The following UBE2O variants were observed in gnomAD, a reference collection of about 807,000 sequenced individuals.
UBE2O encodes ubiquitin conjugating enzyme E2 O, also known as (E3-independent) E2 ubiquitin-conjugating enzyme.
UBE2O carries 15 observed loss-of-function variants against 125.8 expected under a neutral mutation model. The ratio of observed to expected loss-of-function variants is 0.12; its 90% CI spans 0.08 to 0.18. The LOEUF (loss-of-function observed/expected upper bound fraction) is 0.18, where lower values mean the gene tolerates loss of function less well. UBE2O is among the 10% of genes least tolerant of loss of function. The pLI is 1.00. For synonymous variants in UBE2O, 708 were observed against 703.2 expected, an observed-to-expected ratio of 1.01 and a Z score of -0.11; for missense variants, 1,280 against 1,723.6, an observed-to-expected ratio of 0.74 and a Z score of 4.56.
intron 1 of UBE2O, among the ~76,000 whole-genome samples, chr17:76,435,223 C>T (rs1186888034): frequency 6.6e-6 from 1 of 152,104 alleles, no homozygotes; most frequent in African/African-American, 2.4e-5. Context: ...CAGAAAGCTA[C>T]TATTTATGTA....
Position 76,422,758 on chromosome 17 carries a change from CTTTA to C in UBE2O, c.418-17190_418-17187del, listed in dbSNP as rs373569493. 2.6e-3 allele frequency among the ~76,000 whole-genome samples: 403 copies of C among 152,332 alleles called. 1 individual carries two copies. The highest frequency in any genetic ancestry group is 3.7e-3 in the South Asian group (18 of 4,830). On this transcript the variant is annotated intron_variant, in intron 1 of 17. Coordinates refer to ENST00000319380, the MANE Select transcript of UBE2O (RefSeq NM_022066.4). ...CTCCTCCTCATTCTCTATCCACCTGCTTTATTTTTCTTCACAGCACTTACTGTTC... is the reference window on the plus strand; with the variant it reads ...CTCCTCCTCATTCTCTATCCACCTGCTTTTTCTTCACAGCACTTACTGTTC...
At chr17:76,419,123 AT>A (rs10647924) in intron 1 of UBE2O, among the ~76,000 whole-genome samples, 5 of 145,732 alleles carry the variant, frequency 3.4e-5, no homozygotes, top group Non-Finnish European at 3.0e-5. Context: ...ATCTCTACAG[AT>A]TTTTTTTTTT....
In UBE2O at chr17:76,401,158, C is replaced by A. The variant is rs376889823; in HGVS notation, c.751-4G>T. 2 of 1,612,884 alleles carry A rather than the reference C, an allele frequency of 1.2e-6. No homozygotes were observed. The highest frequency in any genetic ancestry group is 3.3e-5 in the Admixed American group (2 of 60,026). ...AGGAATCATCGAAGAAGAGACCCTGCGGGATGTGGGGCCAAAGGAAAGTCC... is the reference window on the plus strand; with the variant it reads ...AGGAATCATCGAAGAAGAGACCCTGAGGGATGTGGGGCCAAAGGAAAGTCC... On this transcript the variant is annotated splice_region_variant and splice_polypyrimidine_tract_variant and intron_variant, in intron 5 of 17. Coordinates refer to ENST00000319380, the MANE Select transcript of UBE2O (RefSeq NM_022066.4).
intron 5 of UBE2O, 175 bp downstream of exon 5, chr17:76,401,889 A>T: frequency 2.3e-6 from 1 of 440,040 alleles, no homozygotes. Flanking sequence ...AAAAAAAAAA[A>T]AAAAAAGTTC....
rs116330430 is a variant in UBE2O, at chr17:76,396,102, C to A, written c.2809+26G>T. ...GGAGCCCCGAGAAGGCGGGGGAAGG[C>A]GAAGACCAGGCAAGGGCTGACTCAC... On this transcript the variant is annotated intron_variant, in intron 14 of 17. Transcript: ENST00000319380. This position sits in a 1 kb window ranked among gnomAD's most constrained non-coding sequence, Gnocchi z 6.7. The A allele has an allele frequency of 1.8e-5, 29 of 1,606,868 alleles. No individual in the cohort carries two copies. The highest frequency in any genetic ancestry group is 2.4e-5 in the Non-Finnish European group (28 of 1,176,534).
Position 76,396,032 on chromosome 17 carries a change from GCGAGGGGA to G in UBE2O, c.2809+88_2809+95del, listed in dbSNP as rs755854532. The G allele has an allele frequency of 2.0e-6, 3 of 1,491,150 alleles. No individual in the cohort carries two copies. Among genetic ancestry groups the G allele is most frequent in the Non-Finnish European group, 2.7e-6 (3 of 1,094,096 alleles). The allele number at this position is 1,491,150 out of a possible 1,614,324, so 92.4% of individuals were successfully genotyped here. ...GCCCTGGGGCAGTAGCTGGGGTCTG[GCGAGGGGA>G]CTAACCACCCTGCACCCAGATCTGG... is the stretch of plus-strand genomic sequence containing the variant. On this transcript the variant is annotated intron_variant, in intron 14 of 17. Coordinates refer to ENST00000319380, the MANE Select transcript of UBE2O (RefSeq NM_022066.4). This position sits in a 1 kb window ranked among gnomAD's most constrained non-coding sequence, Gnocchi z 6.7.
At chr17:76,437,253 A>T (rs2073010963) in intron 1 of UBE2O, among the ~76,000 whole-genome samples, 1 of 151,988 alleles carries the variant, frequency 6.6e-6, no homozygotes, top group East Asian at 1.9e-4. Flanking sequence ...GATCGAGACC[A>T]TCCTGGCTAA....
At chr17:76,433,113 C>T (rs1028420511) in intron 1 of UBE2O, among the ~76,000 whole-genome samples, 4 of 152,092 alleles carry the variant, frequency 2.6e-5, no homozygotes, top group Non-Finnish European at 4.4e-5. Context: ...TGAAAATATA[C>T]ATTCACACAA....
At chr17:76,424,776 C>T (rs112198174) in intron 1 of UBE2O, among the ~76,000 whole-genome samples, 59 of 151,596 alleles carry the variant, frequency 3.9e-4, no homozygotes, top group African/African-American at 1.4e-3. Context: ...TATGATCGAG[C>T]CACTGCACTC....
chr17:76,423,251 C>T (rs12449930), intron 1 of UBE2O, among the ~76,000 whole-genome samples: 51,196 of 152,010 alleles, frequency 0.34, 10,529 homozygotes, highest in Non-Finnish European at 0.46. Context: ...CGGTGGTACG[C>T]ACCTGGAGCC....
At chr17:76,416,873 T>C (rs1181687480) in intron 1 of UBE2O, among the ~76,000 whole-genome samples, 1 of 152,160 alleles carries the variant, frequency 6.6e-6, no homozygotes, top group Non-Finnish European at 1.5e-5. Context: ...AGCACCATCA[T>C]GGAGACTGGG....
chr17:76,402,227 C>A lies in UBE2O; in HGVS notation c.687-100G>T. Reference sequence around the variant, plus strand: ...CAATGCGCCCACATGCCCTAAATAGCACAATTCGTCTTCTACCATCAACTC... The same window carrying A: ...CAATGCGCCCACATGCCCTAAATAGAACAATTCGTCTTCTACCATCAACTC... On this transcript the variant is annotated intron_variant, in intron 4 of 17. Transcript: ENST00000319380. This position sits in a 1 kb window ranked among gnomAD's most constrained non-coding sequence, Gnocchi z 5.4. The A allele has an allele frequency of 1.9e-6, 2 of 1,050,894 alleles. No homozygotes were observed. Among genetic ancestry groups the A allele is most frequent in the Non-Finnish European group, 2.8e-6 (2 of 705,632 alleles). 65.1% of individuals were successfully genotyped at this position (1,050,894 alleles called of 1,614,324 possible).
At chr17:76,428,200 G>C (rs2072842520) in intron 1 of UBE2O, among the ~76,000 whole-genome samples, 1 of 152,148 alleles carries the variant, frequency 6.6e-6, no homozygotes, top group Admixed American at 6.5e-5. Context: ...CCAGTCTTTT[G>C]TATGTGACCC....
chr17:76,452,274 T>A lies in UBE2O; in HGVS notation c.417+451A>T, dbSNP rs2073261235. On this transcript the variant is annotated intron_variant, in intron 1 of 17. Coordinates refer to ENST00000319380, the MANE Select transcript of UBE2O (RefSeq NM_022066.4). The surrounding 1 kb of genome is among the most constrained non-coding windows in gnomAD (Gnocchi z 4.4). ...TTCGGCTGGGATTTTCACCTCTATC[T>A]TTGTTTTGGAATGCCCACAACCCCT... Among the ~76,000 whole-genome samples, 1 of 152,188 alleles carries A rather than the reference T, an allele frequency of 6.6e-6. No individual in the cohort carries two copies. Among genetic ancestry groups the A allele is most frequent in the South Asian group, 2.1e-4 (1 of 4,822 alleles).
At chr17:76,427,436 T>C (rs903613239) in intron 1 of UBE2O, among the ~76,000 whole-genome samples, 27 of 152,260 alleles carry the variant, frequency 1.8e-4, no homozygotes, top group African/African-American at 6.0e-4. Context: ...TAGACATTTC[T>C]ATTATAATCT....
chr17:76,425,615 T>C (rs1219929676), intron 1 of UBE2O, among the ~76,000 whole-genome samples: 1 of 152,206 alleles, frequency 6.6e-6, no homozygotes, highest in Non-Finnish European at 1.5e-5. Flanking sequence ...CTGTACTCCA[T>C]CCTTTCAACA....
chr17:76,433,523 C>T (rs1161004311), intron 1 of UBE2O, among the ~76,000 whole-genome samples: 2 of 151,182 alleles, frequency 1.3e-5, no homozygotes, highest in African/African-American at 4.9e-5. Flanking sequence ...GATGACCGTA[C>T]AACCGTTTGA....
At chr17:76,401,184 C>T in intron 5 of UBE2O, 30 bp from the exon 6 acceptor site, 11 of 1,610,110 alleles carry the variant, frequency 6.8e-6, no homozygotes, top group Non-Finnish European at 8.5e-6. Context: ...AGGAAAGTCC[C>T]CGTGAGCGGT....
intron 1 of UBE2O, among the ~76,000 whole-genome samples, chr17:76,415,939 G>A (rs778741258): frequency 7.4e-5 from 10 of 134,686 alleles, no homozygotes; most frequent in Non-Finnish European, 1.4e-4. Context: ...ATATACGTAT[G>A]CGTATACATA....
Sources: gnomAD v4.1 joint callset for allele counts (sites outside exome capture counted in the v4.1 genomes callset) on GRCh38, gnomAD v4.1.1 for gene constraint, Gnocchi (gnomAD v3.1) non-coding constraint, MANE v1.5 for transcripts, NCBI Gene and HGNC (gene_info 2026-07-23, HGNC 2026-07-21) for gene names.